The following PCDHA12 variants were observed in gnomAD, a reference collection of about 807,000 sequenced individuals.
PCDHA12 encodes the protein protocadherin alpha 12.
A neutral mutation model predicts 60.0 loss-of-function variants in PCDHA12; 44 were observed. The ratio of observed to expected loss-of-function variants is 0.73; its 90% CI spans 0.58 to 0.94. The LOEUF is 0.94. Ranked by LOEUF, PCDHA12 falls within the 40% of genes least tolerant of loss-of-function variation. The pLI is 0.00. For missense variants in PCDHA12, 1,276 were observed against 1,239.7 expected (o/e 1.03, Z -0.44); for synonymous variants, 569 against 553.0 (o/e 1.03, Z -0.40).
At chr5:140,926,584 C>T in intron 1 of PCDHA12, 1 of 285,400 alleles carries the variant, frequency 3.5e-6, no homozygotes, top group Non-Finnish European at 6.4e-6. Context: ...GCACCTCTCG[C>T]GCCCGGGCGG....
In PCDHA12 at chr5:141,010,018, T is replaced by G. The variant is rs1257083450; in HGVS notation, c.*81T>G. On this transcript the variant is annotated 3_prime_UTR_variant, in exon 4 of 4. Coordinates refer to ENST00000398631, the MANE Select transcript of PCDHA12 (RefSeq NM_018903.4). ...TCCCATGTAGCAATTCCCTGCTCCTTTTTCCTATCTACATGAGCCCTCTTA... is the reference window on the plus strand; with the variant it reads ...TCCCATGTAGCAATTCCCTGCTCCTGTTTCCTATCTACATGAGCCCTCTTA... 2.5e-5 allele frequency: 40 copies of G among 1,571,834 alleles called. No homozygotes were observed. Among genetic ancestry groups the G allele is most frequent in the Non-Finnish European group, 3.4e-5 (39 of 1,163,118 alleles).
In PCDHA12 at chr5:140,875,447, C is replaced by G. The variant is rs532829491; in HGVS notation, c.-26C>G. The G allele has an allele frequency of 6.3e-7, 1 of 1,584,206 alleles. No homozygotes were observed. Among genetic ancestry groups the G allele is most frequent in the African/African-American group, 1.4e-5 (1 of 73,916 alleles). ...AGCGATCCCTTAAAACTGATTGTCC[C>G]AACTCAGAGGCCCTCATTTTCTGCA... is the stretch of plus-strand genomic sequence containing the variant. On this transcript the variant is annotated 5_prime_UTR_variant, in exon 1 of 4. Transcript: ENST00000398631.
At chr5:140,902,615 G>A in intron 1 of PCDHA12, among the ~76,000 whole-genome samples, 1 of 152,010 alleles carries the variant, frequency 6.6e-6, no homozygotes, top group East Asian at 1.9e-4. Context: ...AGTTACATGG[G>A]TAAGTTATTT....
intron 1 of PCDHA12, among the ~76,000 whole-genome samples, chr5:140,940,745 T>C (rs1554213585): frequency 6.6e-6 from 1 of 152,260 alleles, no homozygotes; most frequent in Non-Finnish European, 1.5e-5. Flanking sequence ...CATATTTTTA[T>C]GTGTGCCAAC....
Position 140,875,675 on chromosome 5 carries a change from C to G in PCDHA12, c.203C>G (p.Ser68Cys). ...GTGCCGCGCCTGTTCCGGGTGGCGT[C>G]CAAAAGACACGGGGACCTTCTGGAG... ...ELVPRLFRVA[S>C]KRHGDLLEVN... Residue 68 changes from serine (S) to cysteine (C), a missense_variant, in exon 1 of 4, where the codon TCC (serine) becomes TGC (cysteine). Physicochemically the swap from Ser to Cys is moderately radical, Grantham distance 112. Coordinates refer to ENST00000398631, the MANE Select transcript of PCDHA12 (RefSeq NM_018903.4). The G allele has an allele frequency of 5.0e-6, 8 of 1,613,858 alleles. No individual in the cohort carries two copies. The highest frequency in any genetic ancestry group is 6.8e-6 in the Non-Finnish European group (8 of 1,180,008).
intron 1 of PCDHA12, among the ~76,000 whole-genome samples, chr5:140,937,688 G>A (rs112584533): frequency 0.018 from 2,711 of 151,860 alleles, 77 homozygotes; most frequent in African/African-American, 0.063. Context: ...TGAGGCAGGC[G>A]GATCACGAGG....
intron 1 of PCDHA12, among the ~76,000 whole-genome samples, chr5:140,972,738 A>G (rs918730708): frequency 1.4e-5 from 2 of 142,600 alleles, no homozygotes; most frequent in Non-Finnish European, 3.0e-5. Context: ...ATCCCGGCTC[A>G]CTGCAACCTC....
At chr5:140,926,391 A>G (rs76822698) in intron 1 of PCDHA12, 1 of 152,346 alleles carries the variant, frequency 6.6e-6, no homozygotes, top group East Asian at 1.9e-4. Context: ...GGGCTCAGCC[A>G]CAGTTATCAG....
chr5:140,899,249 G>A (rs1256693010), intron 1 of PCDHA12, among the ~76,000 whole-genome samples: 9 of 152,122 alleles, frequency 5.9e-5, no homozygotes, highest in African/African-American at 2.2e-4. Context: ...TGGTGAGAGA[G>A]GGCATCCCTG....
At chr5:140,982,207 C>T (rs868956427) in intron 2 of PCDHA12, 8 of 429,564 alleles carry the variant, frequency 1.9e-5, no homozygotes, top group East Asian at 1.5e-4. Flanking sequence ...ATTTAGTGAG[C>T]GCCACATGGC....
At position 140,926,615 on chromosome 5, in the gene PCDHA12, C is replaced by G. The variant is rs540135252; in HGVS notation, c.2367+48776C>G. On this transcript the variant is annotated intron_variant, in intron 1 of 3. Coordinates refer to ENST00000398631, the MANE Select transcript of PCDHA12 (RefSeq NM_018903.4). ...GGCGGGCGGCCTCGTCTCTGCACCC[C>G]TAGGCGGCGCTGCGCTCCTCAACAC... 1,855 of 379,286 alleles carry G rather than the reference C, an allele frequency of 4.9e-3. 8 individuals are homozygous for G. Among genetic ancestry groups the G allele is most frequent in the African/African-American group, 0.019 (896 of 47,466 alleles). The allele number at this position is 379,286 out of a possible 1,614,324, so 23.5% of individuals were successfully genotyped here. A position where few individuals can be genotyped will look rare whatever the true frequency, so the allele number is the denominator to read the frequency against.
At chr5:140,911,051 G>C (rs566300992) in intron 1 of PCDHA12, among the ~76,000 whole-genome samples, 1 of 152,100 alleles carries the variant, frequency 6.6e-6, no homozygotes, top group East Asian at 1.9e-4. Flanking sequence ...CAGGGGTGGT[G>C]GGGGGTGGGT....
intron 3 of PCDHA12, among the ~76,000 whole-genome samples, chr5:140,985,873 G>C (rs1210347898): frequency 1.3e-5 from 2 of 151,280 alleles, no homozygotes; most frequent in Non-Finnish European, 2.9e-5. Flanking sequence ...CTGAGTAGCT[G>C]GGACTACAGG....
At chr5:140,994,704 CA>C (rs1294993555) in intron 3 of PCDHA12, among the ~76,000 whole-genome samples, 1 of 150,730 alleles carries the variant, frequency 6.6e-6, no homozygotes, top group Non-Finnish European at 1.5e-5. Flanking sequence ...GACCCTGTCT[CA>C]AAAAAAAATT....
chr5:140,967,310 G>A (rs2096126313), intron 1 of PCDHA12: 1 of 1,611,338 alleles, frequency 6.2e-7, no homozygotes, highest in East Asian at 2.2e-5. Context: ...CGCCAACTCA[G>A]TACAGACCTA....
chr5:140,967,984 C>G (rs2096207352), intron 1 of PCDHA12: 2 of 1,614,100 alleles, frequency 1.2e-6, no homozygotes, highest in African/African-American at 2.7e-5. Flanking sequence ...GTCTGGAGGC[C>G]ACACTGCCTT....
At chr5:140,979,159 T>C in intron 2 of PCDHA12, 152 bp downstream of exon 2, 4 of 1,426,630 alleles carry the variant, frequency 2.8e-6, no homozygotes, top group Non-Finnish European at 3.7e-6. Flanking sequence ...CCATGTTTAT[T>C]CCTTGAAAGA....
At chr5:140,964,262 A>C (rs1327933465) in intron 1 of PCDHA12, among the ~76,000 whole-genome samples, 1 of 152,206 alleles carries the variant, frequency 6.6e-6, no homozygotes, top group Non-Finnish European at 1.5e-5. Context: ...TTGACTCCTT[A>C]ATAATTAAGG....
At chr5:140,917,262 T>C (rs1222739469) in intron 1 of PCDHA12, among the ~76,000 whole-genome samples, 1 of 151,720 alleles carries the variant, frequency 6.6e-6, no homozygotes, top group Middle Eastern at 3.2e-3. Context: ...CACCTGATGT[T>C]TGGTTTTTGT....
Sources: gnomAD v4.1 joint callset for allele counts (sites outside exome capture counted in the v4.1 genomes callset) on GRCh38, gnomAD v4.1.1 for gene constraint, MANE v1.5 for transcripts, NCBI Gene and HGNC (gene_info 2026-07-23, HGNC 2026-07-21) for gene names.